COPS7A: variants seen among roughly 807,000 people sequenced by gnomAD.
COPS7A encodes the protein COP9 signalosome subunit 7A, also known as COP9 signalosome complex subunit 7a.
In COPS7A, 20 loss-of-function variants were observed where a neutral mutation model predicts 35.2. That is an observed-to-expected ratio of 0.57 (90% CI 0.40 to 0.83). The LOEUF is 0.83. Among genes scored for constraint, COPS7A ranks in the 40% least tolerant of loss-of-function variants. The probability of loss-of-function intolerance (pLI) is 0.00; values close to 1 mark genes in which losing one functional copy is unlikely to be tolerated. For synonymous variants in COPS7A, 139 were observed against 141.4 expected (o/e 0.98, Z 0.12); for missense variants, 247 against 347.5 (o/e 0.71, Z 2.30).
At chr12:6,727,871 T>TG in intron 2 of COPS7A, 55 bp from the exon 3 acceptor site, 2 of 1,553,410 alleles carry the variant, frequency 1.3e-6, no homozygotes, top group Non-Finnish European at 1.8e-6. Flanking sequence ...AGGGTAAGGC[T>TG]GGGAGGGTGG....
chr12:6,726,888 G>C (rs1255543230), intron 2 of COPS7A, among the ~76,000 whole-genome samples: 1 of 152,220 alleles, frequency 6.6e-6, no homozygotes, highest in African/African-American at 2.4e-5. Flanking sequence ...GAAGAGAGAA[G>C]ATGAATGGAT....
At chr12:6,726,013 T>C in intron 2 of COPS7A, 1 of 420,992 alleles carries the variant, frequency 2.4e-6, no homozygotes, top group South Asian at 1.7e-5. Context: ...GAATCCTGTC[T>C]CTGTTAAAAA....
chr12:6,725,560 T>C (rs1395204046), intron 2 of COPS7A: 3 of 452,316 alleles, frequency 6.6e-6, no homozygotes, highest in African/African-American at 2.0e-5. Context: ...AGAGTGAACA[T>C]GTTAAATTAG....
chr12:6,726,746 G>C (rs2137749308), intron 2 of COPS7A, among the ~76,000 whole-genome samples: 1 of 151,142 alleles, frequency 6.6e-6, no homozygotes, highest in South Asian at 2.1e-4. Flanking sequence ...GGGTGACAGT[G>C]TGAGACACCA....
chr12:6,731,185 ACACCT>A lies in COPS7A; in HGVS notation c.*147_*151del. The A allele has an allele frequency of 6.5e-7, 1 of 1,547,456 alleles. No individual in the cohort carries two copies. The highest frequency in any genetic ancestry group is 8.7e-7 in the Non-Finnish European group (1 of 1,144,458). ...CCTCCCCTAACCCCAAACATAGATCACACCTTCTCTAGGGAGGAGGCAAATGTAGG... is the reference window on the plus strand; with the variant it reads ...CCTCCCCTAACCCCAAACATAGATCATCTCTAGGGAGGAGGCAAATGTAGG... On this transcript the variant is annotated 3_prime_UTR_variant, in exon 8 of 8. Coordinates refer to ENST00000543155, the MANE Select transcript of COPS7A (RefSeq NM_001164094.2).
rs764902554 is a variant in COPS7A at position 6,728,280 on chromosome 12, T to C, written c.296T>C (p.Leu99Pro). Residue 99 changes from leucine (L) to proline (P), a missense_variant, in exon 4 of 8, where the codon CTC becomes CCC. Transcript: ENST00000543155. ...TEAQKNKLRH[L>P]SVVTLAAKVK... is the part of the protein sequence containing the mutation. ...GCTCAGAAGAATAAGCTTCGACACC[T>C]CTCAGTTGTCACCCTGGCTGCTAAA... The C allele has an allele frequency of 6.2e-7, 1 of 1,614,152 alleles. No individual in the cohort carries two copies. Among genetic ancestry groups the C allele is most frequent in the East Asian group, 2.2e-5 (1 of 44,868 alleles).
chr12:6,727,080 T>TA (rs749189300), intron 2 of COPS7A, among the ~76,000 whole-genome samples: 100 of 152,334 alleles, frequency 6.6e-4, no homozygotes, highest in Non-Finnish European at 1.3e-3. Flanking sequence ...CTCACGCCTA[T>TA]AATCCCAGCA....
At chr12:6,726,325 G>T (rs1180053447) in intron 2 of COPS7A, among the ~76,000 whole-genome samples, 1 of 151,044 alleles carries the variant, frequency 6.6e-6, no homozygotes, top group Non-Finnish European at 1.5e-5. Flanking sequence ...GGCCAGTCAT[G>T]GTGGCTCATG....
intron 2 of COPS7A, 94 bp downstream of exon 2, chr12:6,724,912 C>A: frequency 7.5e-7 from 1 of 1,333,146 alleles, no homozygotes; most frequent in Non-Finnish European, 1.0e-6. Context: ...ATCCAATAAC[C>A]ATTCAGTTGA....
chr12:6,728,765 G>A (rs1941318869), intron 4 of COPS7A, among the ~76,000 whole-genome samples: 2 of 152,168 alleles, frequency 1.3e-5, no homozygotes, highest in Admixed American at 1.3e-4. Context: ...ATAGTTACTT[G>A]ACTCTCAGTT....
At chr12:6,724,576 A>G (rs749957173) in intron 1 of COPS7A, 38 bp from the exon 2 acceptor site, 14 of 1,570,126 alleles carry the variant, frequency 8.9e-6, no homozygotes, top group Non-Finnish European at 1.2e-5. Context: ...CCGACCAGCC[A>G]TCGGGGACCT....
In COPS7A at chr12:6,728,488, G is replaced by A. The variant is rs191692156; in HGVS notation, c.327+177G>A. 3.3e-5 allele frequency among the ~76,000 whole-genome samples: 5 copies of A among 152,222 alleles called. No homozygotes were observed. The South Asian group carries it at 8.3e-4, about 25-fold the overall frequency. ...GCTGATAGTATTCTTAGTTTTCTGT[G>A]TTGTTTTTATTTTTTAATCAACTTA... On this transcript the variant is annotated intron_variant, in intron 4 of 7. Coordinates refer to ENST00000543155, the MANE Select transcript of COPS7A (RefSeq NM_001164094.2).
At chr12:6,726,954 A>G (rs768529377) in intron 2 of COPS7A, among the ~76,000 whole-genome samples, 6 of 152,240 alleles carry the variant, frequency 3.9e-5, no homozygotes, top group Non-Finnish European at 7.3e-5. Context: ...CAATTACTGC[A>G]TAGCTCTGTG....
Position 6,731,050 on chromosome 12 carries a change from G to A in COPS7A, c.*11G>A, listed in dbSNP as rs748551302. The A allele has an allele frequency of 1.5e-5, 24 of 1,613,864 alleles. No individual in the cohort carries two copies. The highest frequency in any genetic ancestry group is 1.6e-4 in the Middle Eastern group (1 of 6,084). On this transcript the variant is annotated 3_prime_UTR_variant, in exon 8 of 8. Transcript: ENST00000543155. ...TCCAAGTCGAATTGAAAGGACTGTC[G>A]TTTCCTCCCTGGGGATGTGGGGTCC...
At chr12:6,726,433 C>G (rs550559841) in intron 2 of COPS7A, among the ~76,000 whole-genome samples, 1 of 151,078 alleles carries the variant, frequency 6.6e-6, no homozygotes, top group East Asian at 1.9e-4. Context: ...AAAACCCCGT[C>G]TCTGCTAAAA....
At chr12:6,724,495 A>G (rs1941199387) in intron 1 of COPS7A, 119 bp from the exon 2 acceptor site, 3 of 840,040 alleles carry the variant, frequency 3.6e-6, no homozygotes, top group South Asian at 1.5e-5. Context: ...AGACCGCTCC[A>G]TGTCTGATTC....
rs777276786 is a variant in COPS7A, at chr12:6,730,752, T to G, written c.720T>G (p.Thr240=). Residue 240 remains threonine, a synonymous_variant, in exon 7 of 8, where the codon ACT becomes ACG. Transcript: ENST00000543155. The part of the protein sequence containing the change: ...ATSQDPEQHL[T]ELREPAPGTN... The stretch of plus-strand genomic sequence containing the variant: ...CTCAGGACCCTGAGCAACACCTGAC[T>G]GAGCTGAGGGAACCAGCTCCTGGCA... The G allele has an allele frequency of 3.7e-6, 6 of 1,614,080 alleles. No homozygotes were observed. In the African/African-American group the frequency reaches 8.0e-5, roughly 22 times the overall value.
At position 6,729,013 on chromosome 12, in the gene COPS7A, G is replaced by C; in HGVS notation, c.328-234G>C. On this transcript the variant is annotated intron_variant, in intron 4 of 7. Coordinates refer to ENST00000543155, the MANE Select transcript of COPS7A (RefSeq NM_001164094.2). This position sits in a 1 kb window ranked among gnomAD's most constrained non-coding sequence, Gnocchi z 4.2. ...CCTTCTGTGGTGTGTCAGGGGTGAG[G>C]GTGTTAGGGGAGCATTTTGTATTTT... is the stretch of plus-strand genomic sequence containing the variant. 1 of 527,792 alleles carries C rather than the reference G, an allele frequency of 1.9e-6. No individual in the cohort carries two copies. The highest frequency in any genetic ancestry group is 3.4e-6 in the Non-Finnish European group (1 of 292,028). The allele number at this position is 527,792 out of a possible 1,614,324, so 32.7% of individuals were successfully genotyped here.
intron 2 of COPS7A, among the ~76,000 whole-genome samples, chr12:6,726,173 G>T (rs1180718487): frequency 6.6e-6 from 1 of 152,024 alleles, no homozygotes; most frequent in Non-Finnish European, 1.5e-5. Flanking sequence ...AATTAGCCGG[G>T]TGTGGTGGCG....
Sources: allele counts gnomAD v4.1 joint callset (sites outside exome capture counted in the v4.1 genomes callset), GRCh38; gene constraint gnomAD v4.1.1; non-coding constraint Gnocchi (gnomAD v3.1); transcripts MANE v1.5; gene names NCBI Gene and HGNC (gene_info 2026-07-23, HGNC 2026-07-21).